The following LZTS1 variants were observed in gnomAD, a reference collection of about 807,000 sequenced individuals.
The protein encoded by LZTS1 is leucine zipper putative tumor suppressor 1.
Under a neutral mutation model 45.8 loss-of-function variants are expected in LZTS1, and 31 were observed. The ratio of observed to expected loss-of-function variants is 0.68; its 90% CI spans 0.51 to 0.91. LZTS1 has a LOEUF of 0.91. Ranked by LOEUF, LZTS1 falls within the 40% of genes least tolerant of loss-of-function variation. The pLI, the probability that LZTS1 is intolerant of heterozygous loss-of-function variation, is 0.00. For synonymous variants in LZTS1, 359 were observed against 357.3 expected (o/e 1.00, Z -0.05); for missense variants, 821 against 788.9 (o/e 1.04, Z -0.49).
chr8:20,298,056 T>A (rs1306950559), intron 1 of LZTS1, among the ~76,000 whole-genome samples: 1 of 152,066 alleles, frequency 6.6e-6, no homozygotes, highest in Admixed American at 6.6e-5. Context: ...ACCTTTCTTT[T>A]TTTTTGTTTT....
In LZTS1 at chr8:20,253,050, G is replaced by C; in HGVS notation, c.881C>G (p.Ala294Gly). Residue 294 changes from alanine to glycine, a missense_variant, in exon 3 of 4, where the codon GCC (alanine) becomes GGC (glycine). Coordinates refer to ENST00000381569, the MANE Select transcript of LZTS1 (RefSeq NM_021020.5). ...GCAGCGCCGCGGCCGCTCCTCGTAG[G>C]CCAGGCTGGAGGCAAGCTCCTTCTC... ...FEEKELASSLAYEERPRRCRD... is the reference protein window; with the variant it reads ...FEEKELASSLGYEERPRRCRD... 1 of 1,606,058 alleles carries C rather than the reference G, an allele frequency of 6.2e-7. No homozygotes were observed. The highest frequency in any genetic ancestry group is 1.3e-5 in the African/African-American group (1 of 75,004).
Position 20,250,184 on chromosome 8 carries a change from C to T in LZTS1, c.1329G>A (p.Lys443=). 1.2e-6 allele frequency: 2 copies of T among 1,611,482 alleles called. No homozygotes were observed. Among genetic ancestry groups the T allele is most frequent in the South Asian group, 1.1e-5 (1 of 91,066 alleles). The change falls in exon 4 of 4, where the codon AAG becomes AAA. Residue 443 remains lysine, a synonymous_variant. Coordinates refer to ENST00000381569, the MANE Select transcript of LZTS1 (RefSeq NM_021020.5). ...TCTCACAGACCTCCAGCTCCAGGCC[C>T]TTGGTGCGCAGGGCGCCCTCCAGGT... ...TQDLEGALRT[K]GLELEVCENE...
rs1355112593 is a variant in LZTS1 at position 20,249,460 on chromosome 8, C to T, written c.*262G>A. On this transcript the variant is annotated 3_prime_UTR_variant, in exon 4 of 4. Coordinates refer to ENST00000381569, the MANE Select transcript of LZTS1 (RefSeq NM_021020.5). ...GGCCAAAGTTTAGGGAGCCCTTAAC[C>T]AAAGCAGACAGACCCCTGGACCCAT... 6.5e-6 allele frequency: 3 copies of T among 464,742 alleles called. No homozygotes were observed. Among genetic ancestry groups the T allele is most frequent in the Non-Finnish European group, 1.1e-5 (3 of 261,358 alleles). The allele number at this position is 464,742 out of a possible 1,614,324, so 28.8% of individuals were successfully genotyped here. A position where few individuals can be genotyped will look rare whatever the true frequency, so the allele number is the denominator to read the frequency against.
chr8:20,296,327 A>G lies in LZTS1; in HGVS notation c.-135+7413T>C, dbSNP rs7007736. Among the ~76,000 whole-genome samples, 252 of 152,286 alleles carry G rather than the reference A, an allele frequency of 1.7e-3. 1 individual carries two copies. The highest frequency in any genetic ancestry group is 5.9e-3 in the African/African-American group (247 of 41,566). On this transcript the variant is annotated intron_variant, in intron 1 of 3. Coordinates refer to ENST00000381569, the MANE Select transcript of LZTS1 (RefSeq NM_021020.5). ...GAGAACAATGCCCACTCCCAACCCCATCTCACCTCCACTTTCAACCTCCTT... is the reference window on the plus strand; with the variant it reads ...GAGAACAATGCCCACTCCCAACCCCGTCTCACCTCCACTTTCAACCTCCTT...
At chr8:20,301,469 TG>T (rs966573118) in intron 1 of LZTS1, among the ~76,000 whole-genome samples, 1 of 152,156 alleles carries the variant, frequency 6.6e-6, no homozygotes, top group Non-Finnish European at 1.5e-5. Flanking sequence ...GTCTATAAGG[TG>T]CTTACCCATA....
At chr8:20,303,616 C>G (rs2128900644) in intron 1 of LZTS1, 124 bp downstream of exon 1, 1 of 837,922 alleles carries the variant, frequency 1.2e-6, no homozygotes, top group Middle Eastern at 6.0e-4. Flanking sequence ...CGGACACAGA[C>G]AGACAAAGAC....
chr8:20,301,923 C>T (rs1380605025), intron 1 of LZTS1, among the ~76,000 whole-genome samples: 2 of 152,172 alleles, frequency 1.3e-5, no homozygotes, highest in Non-Finnish European at 2.9e-5. Context: ...ATCTTCAGCA[C>T]ATCAAATGTC....
intron 1 of LZTS1, among the ~76,000 whole-genome samples, chr8:20,273,480 T>G (rs76978627): frequency 0.012 from 1,763 of 152,224 alleles, 22 homozygotes; most frequent in Admixed American, 0.026. Context: ...ACAGTGGAAT[T>G]CTTCATTCTC....
intron 1 of LZTS1, among the ~76,000 whole-genome samples, chr8:20,296,439 A>G (rs4922156): frequency 0.89 from 135,688 of 152,252 alleles, 60,500 homozygotes; most frequent in East Asian, 1. Flanking sequence ...CTGTAACTCT[A>G]ATGGGTTCGT....
rs1460299588 is a variant in LZTS1, at chr8:20,258,622, A to G, written c.-134-3307T>C. Among the ~76,000 whole-genome samples the G allele has an allele frequency of 3.9e-5, 6 of 152,256 alleles. No individual in the cohort carries two copies. The South Asian group carries it at 1.2e-3, about 31-fold the overall frequency. On this transcript the variant is annotated intron_variant, in intron 1 of 3. Coordinates refer to ENST00000381569, the MANE Select transcript of LZTS1 (RefSeq NM_021020.5). ...TGGCTTTGTATACTCGAGGAAATACAGTGAAGCAGCCTACCTCATAGGATC... is the reference window on the plus strand; with the variant it reads ...TGGCTTTGTATACTCGAGGAAATACGGTGAAGCAGCCTACCTCATAGGATC...
intron 1 of LZTS1, among the ~76,000 whole-genome samples, chr8:20,301,779 C>A (rs531379949): frequency 7.9e-5 from 12 of 152,160 alleles, no homozygotes; most frequent in African/African-American, 2.9e-4. Flanking sequence ...ATGACAGCAC[C>A]CCTGCCCCAC....
Position 20,260,349 on chromosome 8 carries a change from A to C in LZTS1, c.-134-5034T>G, listed in dbSNP as rs1800200822. 2.0e-5 allele frequency among the ~76,000 whole-genome samples: 3 copies of C among 152,166 alleles called. No individual in the cohort carries two copies. In the South Asian group the frequency reaches 6.2e-4, roughly 32 times the overall value. On this transcript the variant is annotated intron_variant, in intron 1 of 3. Coordinates refer to ENST00000381569, the MANE Select transcript of LZTS1 (RefSeq NM_021020.5). The stretch of plus-strand genomic sequence containing the variant: ...GTGTGTATCTCTACCAGAATCTGAG[A>C]GTAAAGGTTTTTGTATCTAGAGCTC...
chr8:20,264,142 A>T (rs1240816461), intron 1 of LZTS1, among the ~76,000 whole-genome samples: 1 of 152,196 alleles, frequency 6.6e-6, no homozygotes, highest in African/African-American at 2.4e-5. Flanking sequence ...TACATAAGTC[A>T]TATCATGTCA....
At chr8:20,292,805 G>A (rs1051873007) in intron 1 of LZTS1, among the ~76,000 whole-genome samples, 13 of 152,212 alleles carry the variant, frequency 8.5e-5, no homozygotes, top group African/African-American at 2.7e-4. Flanking sequence ...TTAGTAGAAA[G>A]AGCCCTGATG....
chr8:20,268,817 A>G (rs961751693), intron 1 of LZTS1, among the ~76,000 whole-genome samples: 1 of 152,100 alleles, frequency 6.6e-6, no homozygotes, highest in Non-Finnish European at 1.5e-5. Flanking sequence ...AATTAAGTGC[A>G]CTTGGATTCC....
chr8:20,256,973 A>G (rs1037888724), intron 1 of LZTS1, among the ~76,000 whole-genome samples: 5 of 152,292 alleles, frequency 3.3e-5, no homozygotes, highest in Admixed American at 2.6e-4. Context: ...AGGAGAAGTG[A>G]AAAAGAGCAG....
chr8:20,288,432 G>A (rs1317048620), intron 1 of LZTS1, among the ~76,000 whole-genome samples: 1 of 152,162 alleles, frequency 6.6e-6, no homozygotes, highest in African/African-American at 2.4e-5. Flanking sequence ...GGAGGACACA[G>A]CTTCCTCTTG....
In LZTS1 at chr8:20,254,902, C is replaced by A; in HGVS notation, c.280G>T (p.Ala94Ser). 1 of 1,614,208 alleles carries A rather than the reference C, an allele frequency of 6.2e-7. No homozygotes were observed. Among genetic ancestry groups the A allele is most frequent in the East Asian group, 2.2e-5 (1 of 44,882 alleles). Residue 94 changes from alanine to serine, a missense_variant, in exon 2 of 4, where the codon GCT (alanine) becomes TCT (serine). Coordinates refer to ENST00000381569, the MANE Select transcript of LZTS1 (RefSeq NM_021020.5). ...ALSSGDLGGQ[A>S]GVDFDPSTPP... ...GTGGACGGGTCAAAGTCCACCCCAG[C>A]CTGGCCCCCTAAATCCCCGCTGGAC...
intron 1 of LZTS1, among the ~76,000 whole-genome samples, chr8:20,270,172 G>A (rs762351450): frequency 1.0e-4 from 16 of 152,386 alleles, no homozygotes; most frequent in Admixed American, 5.9e-4. Flanking sequence ...CCCACAGAGC[G>A]TAGGTGGCAT....
Sources: gnomAD v4.1 joint callset for allele counts (sites outside exome capture counted in the v4.1 genomes callset) on GRCh38, gnomAD v4.1.1 for gene constraint, MANE v1.5 for transcripts, NCBI Gene and HGNC (gene_info 2026-07-23, HGNC 2026-07-21) for gene names.